DPYS: variants seen among roughly 807,000 people sequenced by gnomAD.
DPYS encodes dihydropyrimidinase.
A neutral mutation model predicts 50.3 loss-of-function variants in DPYS; 39 were observed. The observed-to-expected ratio is 0.78, with a 90% CI of 0.60 to 1.01. DPYS has a LOEUF of 1.01. Among genes scored for constraint, DPYS ranks in the 50% least tolerant of loss-of-function variants. DPYS has a pLI of 0.00. For missense variants in DPYS, 659 were observed against 680.9 expected, an observed-to-expected ratio of 0.97 and a Z score of 0.36; for synonymous variants, 245 against 250.7, an observed-to-expected ratio of 0.98 and a Z score of 0.22.
intron 1 of DPYS, among the ~76,000 whole-genome samples, chr8:104,463,322 G>A (rs1814236627): frequency 6.6e-6 from 1 of 152,254 alleles, no homozygotes; most frequent in African/African-American, 2.4e-5. Flanking sequence ...AACCTTAACT[G>A]CCTCTAGCTT....
Position 104,420,473 on chromosome 8 carries a change from T to C in DPYS, c.1235+3774A>G, listed in dbSNP as rs570094345. The C allele has an allele frequency of 3.9e-5, 6 of 152,008 alleles. No homozygotes were observed. The East Asian group carries it at 1.2e-3, about 29-fold the overall frequency. The allele number at this position is 152,008 out of a possible 1,614,324, so 9.4% of individuals were successfully genotyped here. A position where few individuals can be genotyped will look rare whatever the true frequency, so the allele number is the denominator to read the frequency against. ...TCTCCTTGAATTCTTCCAGATTCAT[T>C]ATTCTATGAAGCCTCCTCTTCAACA... On this transcript the variant is annotated intron_variant, in intron 7 of 9. Coordinates refer to ENST00000351513, the MANE Select transcript of DPYS (RefSeq NM_001385.3).
chr8:104,390,049 A>G (rs1388895876), intron 8 of DPYS, among the ~76,000 whole-genome samples: 2 of 152,236 alleles, frequency 1.3e-5, no homozygotes, highest in Non-Finnish European at 2.9e-5. Context: ...AAAGCCAAGC[A>G]TTTAAATATG....
intron 3 of DPYS, among the ~76,000 whole-genome samples, chr8:104,446,743 T>C (rs1203919782): frequency 1.3e-5 from 2 of 152,084 alleles, no homozygotes; most frequent in Non-Finnish European, 2.9e-5. Flanking sequence ...AAAAAAAAAG[T>C]CAGCTAATAT....
intron 7 of DPYS, among the ~76,000 whole-genome samples, chr8:104,395,634 C>CT (rs1011940923): frequency 6.6e-6 from 1 of 152,144 alleles, no homozygotes; most frequent in Non-Finnish European, 1.5e-5. Flanking sequence ...TCAATAGCTC[C>CT]TTTTTTGTTG....
intron 8 of DPYS, among the ~76,000 whole-genome samples, chr8:104,391,878 G>A (rs375437602): frequency 6.6e-5 from 10 of 152,130 alleles, no homozygotes; most frequent in African/African-American, 2.4e-4. Flanking sequence ...TCAAAGGGCT[G>A]GGATTACAGG....
At position 104,398,791 on chromosome 8, in the gene DPYS, A is replaced by G. The variant is rs557501179; in HGVS notation, c.1236-5800T>C. Among the ~76,000 whole-genome samples, 55 of 152,278 alleles carry G rather than the reference A, an allele frequency of 3.6e-4. No individual in the cohort carries two copies. The South Asian group carries it at 0.011, about 30-fold the overall frequency. On this transcript the variant is annotated intron_variant, in intron 7 of 9. Transcript: ENST00000351513. ...ACATGGGAACAGACCCATCCTTTCA[A>G]AACTCACCCTATGCCTTTATTTCAC...
At chr8:104,404,562 C>T (rs184893470) in intron 7 of DPYS, among the ~76,000 whole-genome samples, 3 of 152,150 alleles carry the variant, frequency 2.0e-5, no homozygotes, top group Non-Finnish European at 4.4e-5. Flanking sequence ...AAGACTGTGC[C>T]GTGGAAAAAT....
rs368215608 is a variant in DPYS, at chr8:104,421,517, C to T, written c.1235+2730G>A. 5.9e-5 allele frequency: 9 copies of T among 152,302 alleles called. No homozygotes were observed. In the East Asian group the frequency reaches 1.4e-3, roughly 23 times the overall value. 9.4% of individuals were successfully genotyped at this position (152,302 alleles called of 1,614,324 possible). ...GGCGTAGTGGCGGCCGCCTGTAGTC[C>T]CAGCTACTAGGGAGGCTGAGGCAGG... On this transcript the variant is annotated intron_variant, in intron 7 of 9. Transcript: ENST00000351513.
chr8:104,449,817 C>T (rs546575647), intron 2 of DPYS, among the ~76,000 whole-genome samples: 1 of 152,146 alleles, frequency 6.6e-6, no homozygotes, highest in Non-Finnish European at 1.5e-5. Flanking sequence ...TCCCTCAGAG[C>T]CCTCAGAAGG....
At chr8:104,445,970 G>A (rs909849935) in intron 3 of DPYS, among the ~76,000 whole-genome samples, 5 of 152,142 alleles carry the variant, frequency 3.3e-5, no homozygotes, top group Admixed American at 6.5e-5. Flanking sequence ...GTGTGAACCC[G>A]GGAGGTGGAG....
At chr8:104,445,897 T>C (rs536233658) in intron 3 of DPYS, among the ~76,000 whole-genome samples, 1 of 151,866 alleles carries the variant, frequency 6.6e-6, no homozygotes, top group African/African-American at 2.4e-5. Context: ...TACAAACAAT[T>C]AGCCGGGCGT....
intron 1 of DPYS, among the ~76,000 whole-genome samples, chr8:104,463,420 T>C (rs13282051): frequency 0.2 from 30,653 of 152,196 alleles, 3,224 homozygotes; most frequent in East Asian, 0.24. Context: ...GCAACTTATA[T>C]GGCTCTGTCA....
chr8:104,430,799 T>A (rs187321156), intron 4 of DPYS, among the ~76,000 whole-genome samples: 1 of 152,242 alleles, frequency 6.6e-6, no homozygotes, highest in Non-Finnish European at 1.5e-5. Context: ...AGTAACCAAG[T>A]ATCAATAAAA....
chr8:104,452,946 T>A (rs1033911262), intron 1 of DPYS, among the ~76,000 whole-genome samples: 2 of 152,178 alleles, frequency 1.3e-5, no homozygotes, highest in Non-Finnish European at 2.9e-5. Flanking sequence ...AATTTTTCCA[T>A]CTTCCCTATA....
chr8:104,397,601 T>C (rs1811637385), intron 7 of DPYS, among the ~76,000 whole-genome samples: 1 of 152,196 alleles, frequency 6.6e-6, no homozygotes. Flanking sequence ...TTGTTATAAC[T>C]ATCATTCTTA....
rs553312549 is a variant in DPYS at position 104,408,827 on chromosome 8, T to C, written c.1235+15420A>G. 2.0e-3 allele frequency among the ~76,000 whole-genome samples: 309 copies of C among 151,794 alleles called. 1 individual carries two copies. The highest frequency in any genetic ancestry group is 5.5e-3 in the African/African-American group (230 of 41,480). On this transcript the variant is annotated intron_variant, in intron 7 of 9. Coordinates refer to ENST00000351513, the MANE Select transcript of DPYS (RefSeq NM_001385.3). ...ACATGTTTTTTTGTTTGTTTTTTTT[T>C]TTTGAGATAGAGTTTCACTCTTGTT...
intron 4 of DPYS, among the ~76,000 whole-genome samples, chr8:104,443,893 A>AAAAC (rs1012092553): frequency 1.3e-5 from 2 of 152,166 alleles, no homozygotes; most frequent in Non-Finnish European, 2.9e-5. Context: ...ACTCCATCAC[A>AAAAC]AAACAAACAA....
chr8:104,413,601 T>C (rs1812267901), intron 7 of DPYS, among the ~76,000 whole-genome samples: 1 of 152,180 alleles, frequency 6.6e-6, no homozygotes, highest in Non-Finnish European at 1.5e-5. Context: ...CCATTTACTA[T>C]AATCCTAGTC....
chr8:104,399,317 C>CAAAAAAA (rs1168182202), intron 7 of DPYS, among the ~76,000 whole-genome samples: 1 of 125,288 alleles, frequency 8.0e-6, no homozygotes, highest in African/African-American at 3.0e-5. Context: ...AAAACAACAA[C>CAAAAAAA]AAAAAAAAAC....
Sources: allele counts gnomAD v4.1 joint callset (sites outside exome capture counted in the v4.1 genomes callset), GRCh38; gene constraint gnomAD v4.1.1; transcripts MANE v1.5; gene names NCBI Gene and HGNC (gene_info 2026-07-23, HGNC 2026-07-21).